Variants in ELP4 observed in about 807,000 individuals in gnomAD.
ELP4 encodes elongator acetyltransferase complex subunit 4.
A neutral mutation model predicts 48.9 loss-of-function variants in ELP4; 51 were observed. That is an observed-to-expected ratio of 1.04 (90% CI 0.83 to 1.32). The LOEUF is 1.32. Ranked by LOEUF, ELP4 falls within the 40% of genes most tolerant of loss-of-function variation. ELP4 has a pLI of 0.00. For synonymous variants in ELP4, 210 were observed against 189.2 expected (o/e 1.11, Z -0.90); for missense variants, 519 against 514.6 (o/e 1.01, Z -0.08).
intron 3 of ELP4, among the ~76,000 whole-genome samples, chr11:31,586,603 T>C (rs1957477613): frequency 1.3e-5 from 2 of 152,048 alleles, no homozygotes; most frequent in African/African-American, 2.4e-5. Flanking sequence ...ACAGTGTTAC[T>C]CTAGTATTTT....
At chr11:31,719,764 G>T (rs887732568) in intron 9 of ELP4, 6 of 295,988 alleles carry the variant, frequency 2.0e-5, no homozygotes, top group Middle Eastern at 8.9e-4. Flanking sequence ...GGAGTGGTTA[G>T]GGGTAAAATA....
At chr11:31,615,580 C>T (rs1944463730) in intron 5 of ELP4, among the ~76,000 whole-genome samples, 1 of 151,758 alleles carries the variant, frequency 6.6e-6, no homozygotes, top group Non-Finnish European at 1.5e-5. Context: ...AAATATTTTT[C>T]ATCTGAACAC....
Position 31,790,120 on chromosome 11 carries a change from A to AAAC in ELP4, c.*6596_*6597insAAC, listed in dbSNP as rs1565184003. 1.6e-4 allele frequency: 119 copies of AAAC among 760,090 alleles called. No individual in the cohort carries two copies. Among genetic ancestry groups the AAAC allele is most frequent in the Non-Finnish European group, 1.4e-4 (66 of 466,068 alleles). The allele number at this position is 760,090 out of a possible 1,614,324, so 47.1% of individuals were successfully genotyped here. A position where few individuals can be genotyped will look rare whatever the true frequency, so the allele number is the denominator to read the frequency against. On this transcript the variant is annotated 3_prime_UTR_variant, in exon 10 of 10. Coordinates refer to ENST00000640961, the MANE Select transcript of ELP4 (RefSeq NM_019040.5). ...TACAAAAAAAAAAAAAAAAAAAAAA[A>AAAC]CTAATACTTTCTAACATTTTTTACT...
intron 3 of ELP4, among the ~76,000 whole-genome samples, chr11:31,556,468 C>T (rs1301627582): frequency 4.8e-5 from 4 of 82,656 alleles, no homozygotes; most frequent in Admixed American, 3.6e-4. Context: ...TATACACGTG[C>T]ACACACAATT....
intron 9 of ELP4, among the ~76,000 whole-genome samples, chr11:31,708,233 T>A (rs1308683429): frequency 6.6e-6 from 1 of 152,140 alleles, no homozygotes; most frequent in Non-Finnish European, 1.5e-5. Context: ...TTCTCCTCTT[T>A]TATATCCTTA....
chr11:31,659,099 A>C (rs190022174), intron 9 of ELP4, among the ~76,000 whole-genome samples: 1 of 152,232 alleles, frequency 6.6e-6, no homozygotes, highest in Admixed American at 6.5e-5. Context: ...ATTAGTTTTT[A>C]AAAGGTAGAA....
chr11:31,628,411 A>G (rs984901871), intron 6 of ELP4: 3 of 148,854 alleles, frequency 2.0e-5, no homozygotes, highest in African/African-American at 5.0e-5. Context: ...TAGAATCCCA[A>G]AAGCAAAGGT....
At chr11:31,569,167 C>T (rs555588526) in intron 3 of ELP4, among the ~76,000 whole-genome samples, 6 of 152,092 alleles carry the variant, frequency 3.9e-5, no homozygotes, top group Non-Finnish European at 5.9e-5. Context: ...AAATCCTAGG[C>T]GATACCCTTC....
chr11:31,589,322 G>T (rs1957531239), intron 3 of ELP4, among the ~76,000 whole-genome samples: 1 of 152,140 alleles, frequency 6.6e-6, no homozygotes, highest in Admixed American at 6.6e-5. Flanking sequence ...ATTGGAAAAT[G>T]AGATTATACA....
At chr11:31,619,662 T>TG (rs983796655) in intron 5 of ELP4, among the ~76,000 whole-genome samples, 2 of 134,280 alleles carry the variant, frequency 1.5e-5, no homozygotes, top group Non-Finnish European at 3.1e-5. Context: ...TGTTTTTTAT[T>TG]GTTTTTTTTT....
At chr11:31,591,345 G>T (rs1957566838) in intron 3 of ELP4, among the ~76,000 whole-genome samples, 1 of 139,630 alleles carries the variant, frequency 7.2e-6, no homozygotes, top group Non-Finnish European at 1.5e-5. Flanking sequence ...GGTGGAGCTT[G>T]CAGTGAGCCG....
intron 7 of ELP4, among the ~76,000 whole-genome samples, chr11:31,643,814 A>C (rs1945147763): frequency 6.6e-6 from 1 of 151,922 alleles, no homozygotes. Context: ...AACAGTCAAA[A>C]CAAATACTCT....
chr11:31,548,784 A>G (rs1956782734), intron 3 of ELP4, among the ~76,000 whole-genome samples: 1 of 152,246 alleles, frequency 6.6e-6, no homozygotes, highest in Non-Finnish European at 1.5e-5. Flanking sequence ...GTACCAAAAC[A>G]GAGATATAGA....
intron 2 of ELP4, among the ~76,000 whole-genome samples, chr11:31,535,908 T>C (rs1490776975): frequency 6.6e-6 from 1 of 152,136 alleles, no homozygotes; most frequent in African/African-American, 2.4e-5. Flanking sequence ...TTTACCCATG[T>C]TGTTGCATGT....
chr11:31,674,925 G>A (rs567045184), intron 9 of ELP4, among the ~76,000 whole-genome samples: 137 of 152,104 alleles, frequency 9.0e-4, no homozygotes, highest in Non-Finnish European at 1.7e-3. Flanking sequence ...ATTAATTCAG[G>A]TTTCTAGTAC....
At chr11:31,597,187 T>G (rs1255802844) in intron 4 of ELP4, among the ~76,000 whole-genome samples, 1 of 152,228 alleles carries the variant, frequency 6.6e-6, no homozygotes, top group Non-Finnish European at 1.5e-5. Context: ...ACATGAGCTA[T>G]TCATACAGCA....
rs561540911 is a variant in ELP4 at position 31,633,200 on chromosome 11, C to T, written c.927+795C>T. Reference sequence around the variant, plus strand: ...TATCTCTGTTCCAACATACCCAGACCCTACCTGCAAATAGCAAATTTATTA... The same window carrying T: ...TATCTCTGTTCCAACATACCCAGACTCTACCTGCAAATAGCAAATTTATTA... On this transcript the variant is annotated intron_variant, in intron 7 of 9. Transcript: ENST00000640961. 7.9e-5 allele frequency: 12 copies of T among 152,048 alleles called. No homozygotes were observed. In the East Asian group the frequency reaches 2.3e-3, roughly 29 times the overall value. 9.4% of individuals were successfully genotyped at this position (152,048 alleles called of 1,614,324 possible).
chr11:31,626,760 T>C (rs1302830156), intron 5 of ELP4, among the ~76,000 whole-genome samples: 1 of 151,900 alleles, frequency 6.6e-6, no homozygotes, highest in Non-Finnish European at 1.5e-5. Context: ...GTGTTAATTA[T>C]GTATGATTAC....
chr11:31,668,649 T>C (rs1192360792), intron 9 of ELP4, among the ~76,000 whole-genome samples: 3 of 147,558 alleles, frequency 2.0e-5, no homozygotes, highest in Non-Finnish European at 4.5e-5. Flanking sequence ...TTGCTTTAGA[T>C]ATCGGAATGA....
Sources: gnomAD v4.1 joint callset for allele counts (sites outside exome capture counted in the v4.1 genomes callset) on GRCh38, gnomAD v4.1.1 for gene constraint, MANE v1.5 for transcripts, NCBI Gene and HGNC (gene_info 2026-07-23, HGNC 2026-07-21) for gene names.